MLIP: variants seen among roughly 807,000 people sequenced by gnomAD.
MLIP encodes the protein muscular LMNA interacting protein.
A neutral mutation model predicts 84.8 loss-of-function variants in MLIP; 79 were observed. That is an observed-to-expected ratio of 0.93 (90% CI 0.78 to 1.12). The LOEUF (loss-of-function observed/expected upper bound fraction) is 1.12, where lower values mean the gene tolerates loss of function less well. MLIP is among the 50% of genes most tolerant of loss of function. The probability of loss-of-function intolerance (pLI) is 0.00; values close to 1 mark genes in which losing one functional copy is unlikely to be tolerated. For missense variants in MLIP, 1,257 were observed against 1,160.6 expected (o/e 1.08, Z -1.21); for synonymous variants, 504 against 463.0 (o/e 1.09, Z -1.14).
chr6:54,250,446 C>T (rs561477791), intron 12 of MLIP, among the ~76,000 whole-genome samples: 2 of 152,126 alleles, frequency 1.3e-5, no homozygotes, highest in Middle Eastern at 3.4e-3. Flanking sequence ...ATAGCAAAGA[C>T]ATGGAATTAA....
chr6:54,258,018 T>A (rs1450558249), intron 13 of MLIP, among the ~76,000 whole-genome samples: 1 of 152,166 alleles, frequency 6.6e-6, no homozygotes, highest in African/African-American at 2.4e-5. Flanking sequence ...TATGGTTTAC[T>A]TTTGTATTCC....
At chr6:54,060,086 G>T (rs925291402) in intron 1 of MLIP, among the ~76,000 whole-genome samples, 2 of 76,604 alleles carry the variant, frequency 2.6e-5, no homozygotes, top group Admixed American at 2.5e-4. Context: ...TATAAATATA[G>T]AGAGAGTGGA....
At chr6:54,248,808 C>T (rs1782260016) in intron 12 of MLIP, among the ~76,000 whole-genome samples, 1 of 151,926 alleles carries the variant, frequency 6.6e-6, no homozygotes, top group African/African-American at 2.4e-5. Context: ...ATTGAGACTC[C>T]AATATAACAA....
intron 12 of MLIP, among the ~76,000 whole-genome samples, chr6:54,250,405 C>A (rs1377199353): frequency 6.6e-6 from 1 of 152,028 alleles, no homozygotes; most frequent in East Asian, 1.9e-4. Context: ...AAGACACATG[C>A]ATGTGTATGA....
At chr6:54,208,566 AC>A (rs1779202496) in intron 11 of MLIP, among the ~76,000 whole-genome samples, 1 of 152,234 alleles carries the variant, frequency 6.6e-6, no homozygotes, top group African/African-American at 2.4e-5. Flanking sequence ...AGCCTGAGCA[AC>A]AAAACAAGAC....
intron 5 of MLIP, among the ~76,000 whole-genome samples, chr6:54,154,672 A>C (rs1773834065): frequency 6.6e-6 from 1 of 152,196 alleles, no homozygotes; most frequent in Non-Finnish European, 1.5e-5. Flanking sequence ...AGGGATGCTC[A>C]TATGGGATCC....
intron 13 of MLIP, among the ~76,000 whole-genome samples, chr6:54,259,714 C>T (rs935598472): frequency 4.0e-5 from 6 of 151,816 alleles, no homozygotes; most frequent in African/African-American, 1.4e-4. Context: ...TTGTGAGAGA[C>T]AATACCTATT....
At chr6:54,109,930 TTC>T (rs1769313328), upstream of MLIP, among the ~76,000 whole-genome samples, 73 of 109,098 alleles carry the variant, frequency 6.7e-4, no homozygotes, top group African/African-American at 2.0e-3. Flanking sequence ...TCTTTCTTCC[TTC>T]CTTCCTTCCT....
intron 12 of MLIP, among the ~76,000 whole-genome samples, chr6:54,253,854 A>G (rs1431926241): frequency 6.6e-6 from 1 of 152,110 alleles, no homozygotes; most frequent in East Asian, 1.9e-4. Flanking sequence ...CTGTTATACA[A>G]TATCTAGGAC....
chr6:54,144,488 T>TGGTTTTGG (rs1772606821), intron 4 of MLIP, among the ~76,000 whole-genome samples: 1 of 152,212 alleles, frequency 6.6e-6, no homozygotes, highest in Non-Finnish European at 1.5e-5. Flanking sequence ...GGTTTTGGGA[T>TGGTTTTGG]GAAACTGTTC....
At chr6:54,177,970 C>T (rs1776467676) in intron 9 of MLIP, among the ~76,000 whole-genome samples, 2 of 152,140 alleles carry the variant, frequency 1.3e-5, no homozygotes, top group Admixed American at 1.3e-4. Context: ...CACATATTCT[C>T]ACATATAAGT....
chr6:54,122,842 G>A (rs114652293), intron 2 of MLIP, among the ~76,000 whole-genome samples: 158 of 152,148 alleles, frequency 1.0e-3, no homozygotes, highest in African/African-American at 3.7e-3. Context: ...TGATTGCAAT[G>A]ATATATATAC....
At chr6:54,103,242 T>C (rs981110209) in intron 1 of MLIP, among the ~76,000 whole-genome samples, 5 of 152,152 alleles carry the variant, frequency 3.3e-5, no homozygotes, top group Admixed American at 6.6e-5. Flanking sequence ...ACTGAACATA[T>C]GTATGTGTCA....
At chr6:54,263,495 G>T (rs189828867) in intron 13 of MLIP, among the ~76,000 whole-genome samples, 313 of 152,014 alleles carry the variant, frequency 2.1e-3, no homozygotes, top group African/African-American at 6.5e-3. Flanking sequence ...CTTGGAAATG[G>T]CTTTTTGTTC....
At chr6:54,172,808 T>G (rs892815424) in intron 9 of MLIP, among the ~76,000 whole-genome samples, 4 of 151,686 alleles carry the variant, frequency 2.6e-5, no homozygotes, top group African/African-American at 9.7e-5. Context: ...TACAGTCTGT[T>G]TTTTAGGATG....
intron 1 of MLIP, among the ~76,000 whole-genome samples, chr6:54,056,728 A>T (rs1162895067): frequency 6.6e-6 from 1 of 152,172 alleles, no homozygotes; most frequent in Non-Finnish European, 1.5e-5. Context: ...TACAATTCCT[A>T]GCTCTTTTTA....
chr6:54,092,248 T>G (rs1767917131), intron 1 of MLIP, among the ~76,000 whole-genome samples: 1 of 152,202 alleles, frequency 6.6e-6, no homozygotes, highest in South Asian at 2.1e-4. Flanking sequence ...CCAAAAGGGC[T>G]GAGTTCTTTT....
At chr6:54,147,372 T>A (rs1375121786) in intron 4 of MLIP, among the ~76,000 whole-genome samples, 1 of 152,176 alleles carries the variant, frequency 6.6e-6, no homozygotes, top group East Asian at 1.9e-4. Flanking sequence ...TCAGCTCCCA[T>A]GGAAAGATAG....
intron 1 of MLIP, among the ~76,000 whole-genome samples, chr6:54,118,531 C>T (rs747328899): frequency 6.6e-6 from 1 of 152,172 alleles, no homozygotes; most frequent in Non-Finnish European, 1.5e-5. Flanking sequence ...ATTTTAAACA[C>T]TTAAATGTAA....
Sources: allele counts gnomAD v4.1 joint callset (sites outside exome capture counted in the v4.1 genomes callset), GRCh38; gene constraint gnomAD v4.1.1; transcripts MANE v1.5; gene names NCBI Gene and HGNC (gene_info 2026-07-23, HGNC 2026-07-21).